Variants in PIEZO2 observed in about 807,000 individuals in gnomAD.
The protein encoded by PIEZO2 is piezo-type mechanosensitive ion channel component 2.
In PIEZO2, 172 loss-of-function variants were observed where a neutral mutation model predicts 337.3. That is an observed-to-expected ratio of 0.51 (90% CI 0.45 to 0.58). The LOEUF (loss-of-function observed/expected upper bound fraction) is 0.58, where lower values mean the gene tolerates loss of function less well. PIEZO2 is among the 20% of genes least tolerant of loss of function. PIEZO2 has a pLI of 0.00. For missense variants in PIEZO2, 3,028 were observed against 3,391.3 expected (o/e 0.89, Z 2.66); for synonymous variants, 1,251 against 1,228.5 (o/e 1.02, Z -0.38).
intron 2 of PIEZO2, among the ~76,000 whole-genome samples, chr18:10,984,231 T>C (rs1164019896): frequency 6.6e-6 from 1 of 152,126 alleles, no homozygotes; most frequent in East Asian, 1.9e-4. Context: ...AATACAGCTC[T>C]AGTGGCTGAC....
At chr18:10,976,367 T>C (rs950666607) in intron 3 of PIEZO2, among the ~76,000 whole-genome samples, 1 of 152,174 alleles carries the variant, frequency 6.6e-6, no homozygotes, top group African/African-American at 2.4e-5. Flanking sequence ...TCAGAAGAAA[T>C]TTATGATTTC....
chr18:10,742,714 G>A (rs922174265), intron 31 of PIEZO2, 99 bp from the exon 32 acceptor site: 18 of 1,277,328 alleles, frequency 1.4e-5, no homozygotes, highest in South Asian at 1.2e-4. Flanking sequence ...AGCTAAATTC[G>A]TGGACAAACT....
intron 21 of PIEZO2, among the ~76,000 whole-genome samples, chr18:10,765,794 C>G (rs1881088): frequency 0.83 from 125,643 of 151,800 alleles, 52,378 homozygotes; most frequent in African/African-American, 0.92. Flanking sequence ...AACAGAAACA[C>G]GCTGTGGACA....
chr18:10,734,481 G>A (rs1051619883), intron 35 of PIEZO2, among the ~76,000 whole-genome samples: 6 of 152,216 alleles, frequency 3.9e-5, no homozygotes, highest in Non-Finnish European at 1.5e-5. Flanking sequence ...CGAACTACTC[G>A]CTTAACAGGT....
intron 1 of PIEZO2, among the ~76,000 whole-genome samples, chr18:11,145,291 A>G (rs1014524313): frequency 6.6e-6 from 1 of 152,218 alleles, no homozygotes; most frequent in Non-Finnish European, 1.5e-5. Context: ...CACGAATCAC[A>G]TAACATCTGC....
At chr18:10,769,927 G>A (rs1003000893) in intron 21 of PIEZO2, 2 of 478,100 alleles carry the variant, frequency 4.2e-6, no homozygotes, top group Admixed American at 7.8e-5. Flanking sequence ...AGTAGCCTTT[G>A]TAATATGACC....
intron 1 of PIEZO2, among the ~76,000 whole-genome samples, chr18:11,123,530 C>T (rs918357254): frequency 6.6e-6 from 1 of 152,054 alleles, no homozygotes; most frequent in Admixed American, 6.6e-5. Context: ...TAAACTGGGA[C>T]GGGCACGGTG....
At position 11,131,409 on chromosome 18, in the gene PIEZO2, T is replaced by A. The variant is rs2040337353; in HGVS notation, c.64+17116A>T. Among the ~76,000 whole-genome samples the A allele has an allele frequency of 6.6e-6, 1 of 152,146 alleles. No homozygotes were observed. Among genetic ancestry groups the A allele is most frequent in the Non-Finnish European group, 1.5e-5 (1 of 68,020 alleles). ...CTGCACCGATGGCCTCATGGGGAGT[T>A]CCCTATGATCAGGTGACAGAGGCAG... On this transcript the variant is annotated intron_variant, in intron 1 of 55. Transcript: ENST00000674853. This position sits in a 1 kb window ranked among gnomAD's most constrained non-coding sequence, Gnocchi z 5.3.
At position 11,094,155 on chromosome 18, in the gene PIEZO2, T is replaced by G. The variant is rs2039191553; in HGVS notation, c.65-27933A>C. On this transcript the variant is annotated intron_variant, in intron 1 of 55. Coordinates refer to ENST00000674853, the MANE Select transcript of PIEZO2 (RefSeq NM_001378183.1). The surrounding 1 kb of genome is among the most constrained non-coding windows in gnomAD (Gnocchi z 4.4). ...CACCACGCCCAGCTAATTTTTCTAT[T>G]TTTAATAGAGACCAGGTTTCATCAT... Among the ~76,000 whole-genome samples, 1 of 152,088 alleles carries G rather than the reference T, an allele frequency of 6.6e-6. No homozygotes were observed. The highest frequency in any genetic ancestry group is 2.4e-5 in the African/African-American group (1 of 41,420).
Position 10,982,173 on chromosome 18 carries a change from C to A in PIEZO2, c.161-2513G>T, listed in dbSNP as rs2034691210. Among the ~76,000 whole-genome samples, 1 of 152,164 alleles carries A rather than the reference C, an allele frequency of 6.6e-6. No individual in the cohort carries two copies. Among genetic ancestry groups the A allele is most frequent in the East Asian group, 1.9e-4 (1 of 5,202 alleles). The stretch of plus-strand genomic sequence containing the variant: ...AGTTCTATTATGCAAAATTTTGCAG[C>A]AGCTTTTTGCTTATTTGTTTGTAAA... On this transcript the variant is annotated intron_variant, in intron 2 of 55. Transcript: ENST00000674853. The surrounding 1 kb of genome is among the most constrained non-coding windows in gnomAD (Gnocchi z 4.1).
chr18:10,974,830 C>T (rs1019443997), intron 3 of PIEZO2, among the ~76,000 whole-genome samples: 1 of 152,230 alleles, frequency 6.6e-6, no homozygotes, highest in Non-Finnish European at 1.5e-5. Context: ...CAAGGTTTGG[C>T]CAGGAGACCA....
chr18:10,774,737 T>C (rs2038727712), intron 18 of PIEZO2, among the ~76,000 whole-genome samples: 1 of 152,222 alleles, frequency 6.6e-6, no homozygotes. Context: ...AAAGAACTTC[T>C]GGGCAATAAA....
At chr18:10,999,826 C>T (rs1258789010) in intron 2 of PIEZO2, among the ~76,000 whole-genome samples, 3 of 152,132 alleles carry the variant, frequency 2.0e-5, no homozygotes, top group Admixed American at 1.3e-4. Flanking sequence ...CAAATTGATA[C>T]ATAAAACTGG....
At chr18:10,717,832 ACCT>A (rs754170952) in intron 37 of PIEZO2, among the ~76,000 whole-genome samples, 15 of 152,100 alleles carry the variant, frequency 9.9e-5, no homozygotes, top group Middle Eastern at 3.4e-3. Context: ...TCTCTCATTT[ACCT>A]CCTCCTCTCT....
rs920937103 is a variant in PIEZO2 at position 11,148,549 on chromosome 18, G to T, written c.40C>A (p.Leu14Met). 3 of 1,537,112 alleles carry T rather than the reference G, an allele frequency of 2.0e-6. No individual in the cohort carries two copies. The African/African-American group carries it at 4.1e-5, about 21-fold the overall frequency. ...EVVCGLIFRL[L>M]LPICLAVACA... ...CCTACTGCCAGGCAGATGGGCAGCA[G>T]CAGCCTGAAGATGAGCCCGCACACC... Residue 14 changes from leucine to methionine, a missense_variant, in exon 1 of 56, where the codon CTG becomes ATG. Leu to Met is a conservative substitution (Grantham distance 15, BLOSUM62 2). Coordinates refer to ENST00000674853, the MANE Select transcript of PIEZO2 (RefSeq NM_001378183.1). The surrounding 1 kb of genome is among the most constrained non-coding windows in gnomAD (Gnocchi z 5.2).
chr18:10,942,582 C>T lies in PIEZO2; in HGVS notation c.287-31354G>A, dbSNP rs967969556. Among the ~76,000 whole-genome samples the T allele has an allele frequency of 2.0e-5, 3 of 152,062 alleles. No individual in the cohort carries two copies. Among genetic ancestry groups the T allele is most frequent in the Non-Finnish European group, 2.9e-5 (2 of 68,022 alleles). ...AAGCAACAAAGTATTCAAGAGGGTCCTGTAAAAGGCATTCAGTTTTAGAAG... is the reference window on the plus strand; with the variant it reads ...AAGCAACAAAGTATTCAAGAGGGTCTTGTAAAAGGCATTCAGTTTTAGAAG... On this transcript the variant is annotated intron_variant, in intron 3 of 55. Coordinates refer to ENST00000674853, the MANE Select transcript of PIEZO2 (RefSeq NM_001378183.1). The surrounding 1 kb of genome is among the most constrained non-coding windows in gnomAD (Gnocchi z 4.4).
chr18:10,776,800 T>C (rs1386034926), intron 18 of PIEZO2, among the ~76,000 whole-genome samples: 1 of 152,192 alleles, frequency 6.6e-6, no homozygotes, highest in East Asian at 1.9e-4. Context: ...GTATTTTAAT[T>C]CAGCTTTTTT....
chr18:11,006,258 A>T (rs1218785629), intron 2 of PIEZO2, among the ~76,000 whole-genome samples: 5 of 152,124 alleles, frequency 3.3e-5, no homozygotes, highest in African/African-American at 1.2e-4. Flanking sequence ...AGGTGCAAGG[A>T]TTCTGTTTGT....
intron 35 of PIEZO2, among the ~76,000 whole-genome samples, chr18:10,733,337 C>G (rs774934714): frequency 6.6e-5 from 10 of 151,788 alleles, no homozygotes; most frequent in Non-Finnish European, 1.2e-4. Context: ...AAACATTTTA[C>G]AGTTCCAGGA....
Sources: gnomAD v4.1 joint callset for allele counts (sites outside exome capture counted in the v4.1 genomes callset) on GRCh38, gnomAD v4.1.1 for gene constraint, Gnocchi (gnomAD v3.1) non-coding constraint, MANE v1.5 for transcripts, NCBI Gene and HGNC (gene_info 2026-07-23, HGNC 2026-07-21) for gene names.